Variants in TAOK3 observed in about 807,000 individuals in gnomAD.
TAOK3 encodes the protein TAO kinase 3, also known as serine/threonine-protein kinase TAO3.
In TAOK3, 40 loss-of-function variants were observed where a neutral mutation model predicts 120.4. The observed-to-expected ratio is 0.33, with a 90% confidence interval of 0.26 to 0.43. TAOK3 has a LOEUF of 0.43. Among genes scored for constraint, TAOK3 ranks in the 20% least tolerant of loss-of-function variants. TAOK3 has a pLI of 1.00. For synonymous variants in TAOK3, 355 were observed against 387.5 expected, an observed-to-expected ratio of 0.92 and a Z score of 0.99; for missense variants, 821 against 1,112.1, an observed-to-expected ratio of 0.74 and a Z score of 3.72.
At chr12:118,251,775 G>C (rs1293031967) in intron 3 of TAOK3, among the ~76,000 whole-genome samples, 1 of 151,188 alleles carries the variant, frequency 6.6e-6, no homozygotes, top group Non-Finnish European at 1.5e-5. Context: ...AGCATGCTTG[G>C]TTTATTGTAG....
chr12:118,169,963 C>T (rs956042884), intron 17 of TAOK3, among the ~76,000 whole-genome samples: 13 of 152,160 alleles, frequency 8.5e-5, no homozygotes, highest in Middle Eastern at 3.4e-3. Flanking sequence ...CCTCGTGATC[C>T]GCCCGCCTCG....
chr12:118,321,241 C>T (rs2043691496), intron 1 of TAOK3, among the ~76,000 whole-genome samples: 1 of 152,028 alleles, frequency 6.6e-6, no homozygotes, highest in African/African-American at 2.4e-5. Context: ...TGCAAATACA[C>T]ACACACACAC....
intron 4 of TAOK3, 68 bp from the exon 5 acceptor site, chr12:118,243,584 A>G (rs2040348281): frequency 3.5e-6 from 2 of 569,818 alleles, no homozygotes; most frequent in East Asian, 3.3e-5. Context: ...CCTATCAAGT[A>G]TACGTATATA....
At chr12:118,363,751 TGTGTGA>T (rs1349780456) in intron 1 of TAOK3, among the ~76,000 whole-genome samples, 31 of 148,288 alleles carry the variant, frequency 2.1e-4, no homozygotes, top group Admixed American at 2.0e-4. Flanking sequence ...TGTGTGTGTG[TGTGTGA>T]GAGAGAGAGA....
intron 2 of TAOK3, among the ~76,000 whole-genome samples, chr12:118,263,585 T>C (rs2041321711): frequency 6.6e-6 from 1 of 152,208 alleles, no homozygotes; most frequent in African/African-American, 2.4e-5. Context: ...TTGCAAATTA[T>C]GTCTCATAAT....
At chr12:118,194,634 T>TTA (rs1491583245) in intron 13 of TAOK3, among the ~76,000 whole-genome samples, 5 of 141,462 alleles carry the variant, frequency 3.5e-5, no homozygotes, top group African/African-American at 1.3e-4. Context: ...TTTTTTTTTT[T>TTA]ATCCCGCAAA....
chr12:118,161,833 G>T lies in TAOK3; in HGVS notation c.2094C>A (p.His698Gln). 1 of 1,614,186 alleles carries T rather than the reference G, an allele frequency of 6.2e-7. No individual in the cohort carries two copies. Among genetic ancestry groups the T allele is most frequent in the Non-Finnish European group, 8.5e-7 (1 of 1,180,034 alleles). Residue 698 changes from histidine to glutamine, a missense_variant, in exon 18 of 21, where the codon CAC (histidine) becomes CAA (glutamine). This residue lies in a region of TAOK3 where 354 missense variants were observed against 572.1 expected (regional missense o/e 0.62). Coordinates refer to ENST00000392533, the MANE Select transcript of TAOK3 (RefSeq NM_016281.4). This position sits in a 1 kb window ranked among gnomAD's most constrained non-coding sequence, Gnocchi z 4.5. ...GCCGAAGTTCCATGACATGCTTTCT[G>T]TGCAGTTCTCTTTCTCGCCTCTTAT... ...EYNKRREREL[H>Q]RKHVMELRQQ...
In TAOK3 at chr12:118,172,490, C is replaced by G; in HGVS notation, c.1866G>C (p.Lys622Asn). The change falls in exon 17 of 21, where the codon AAG (lysine) becomes AAC (asparagine). Residue 622 changes from lysine to asparagine, a missense_variant. This residue lies in a region of TAOK3 where 354 missense variants were observed against 572.1 expected (regional missense o/e 0.62). Transcript: ENST00000392533. Reference sequence around the variant, plus strand: ...TGTTCTGCTGCTCCACCTCGTGCCGCTTGATCATTATTTTCCGCTTGAAGA... The same window carrying G: ...TGTTCTGCTGCTCCACCTCGTGCCGGTTGATCATTATTTTCCGCTTGAAGA... ...CRFFKRKIMI[K>N]RHEVEQQNIR... 1 of 1,614,130 alleles carries G rather than the reference C, an allele frequency of 6.2e-7. No individual in the cohort carries two copies. Among genetic ancestry groups the G allele is most frequent in the East Asian group, 2.2e-5 (1 of 44,878 alleles).
At chr12:118,265,021 G>A (rs1326776313) in intron 2 of TAOK3, among the ~76,000 whole-genome samples, 1 of 152,052 alleles carries the variant, frequency 6.6e-6, no homozygotes, top group Admixed American at 6.6e-5. Flanking sequence ...GCAACAGAGC[G>A]AGACTCTGTC....
chr12:118,338,866 CTTTAAAGATGTG>C (rs1428066793), intron 1 of TAOK3, among the ~76,000 whole-genome samples: 1 of 145,522 alleles, frequency 6.9e-6, no homozygotes, highest in Non-Finnish European at 1.5e-5. Flanking sequence ...ACTGGGGAGG[CTTTAAAGATGTG>C]ATCTTTTAGT....
chr12:118,190,182 C>T (rs1443022460), intron 13 of TAOK3: 2 of 480,848 alleles, frequency 4.2e-6, no homozygotes, highest in Non-Finnish European at 7.4e-6. Flanking sequence ...TTTTTCTTTA[C>T]CTCCAGAATT....
At chr12:118,367,784 G>T (rs1431223965) in intron 1 of TAOK3, among the ~76,000 whole-genome samples, 1 of 150,892 alleles carries the variant, frequency 6.6e-6, no homozygotes, top group African/African-American at 2.4e-5. Flanking sequence ...TTTTTGGCGG[G>T]GGGTGGGGAG....
Position 118,255,455 on chromosome 12 carries a change from A to T in TAOK3, c.113T>A (p.Val38Asp). The change falls in exon 3 of 21, where the codon GTT becomes GAT. Residue 38 changes from valine (V) to aspartate (D), a missense_variant. Val to Asp is a radical substitution (Grantham distance 152). Coordinates refer to ENST00000392533, the MANE Select transcript of TAOK3 (RefSeq NM_016281.4). ...HEIGHGSFGA[V>D]YFATNAHTSE... ...ACTCTTTTAAGTACTTACAAAATAA[A>T]CTGCTCCAAAACTTCCATGTCCAAT... The T allele has an allele frequency of 6.2e-7, 1 of 1,614,064 alleles. No homozygotes were observed. The highest frequency in any genetic ancestry group is 8.5e-7 in the Non-Finnish European group (1 of 1,180,000).
At chr12:118,332,141 C>T (rs2044178402) in intron 1 of TAOK3, among the ~76,000 whole-genome samples, 1 of 152,202 alleles carries the variant, frequency 6.6e-6, no homozygotes, top group Non-Finnish European at 1.5e-5. Context: ...TTGTTTTTAA[C>T]ACCTATGATA....
At chr12:118,180,938 A>C (rs867659277) in intron 15 of TAOK3, among the ~76,000 whole-genome samples, 61 of 151,346 alleles carry the variant, frequency 4.0e-4, no homozygotes, top group African/African-American at 1.5e-3. Flanking sequence ...TCTGCCTTCC[A>C]GGTTCAAGCA....
chr12:118,296,622 T>A (rs2140621303), intron 1 of TAOK3, among the ~76,000 whole-genome samples: 1 of 152,358 alleles, frequency 6.6e-6, no homozygotes, highest in African/African-American at 2.4e-5. Flanking sequence ...TTTATTTTCC[T>A]GTAGCATGGG....
In TAOK3 at chr12:118,258,538, C is replaced by T. The variant is rs145715457; in HGVS notation, c.-88-2883G>A. 6.1e-3 allele frequency among the ~76,000 whole-genome samples: 928 copies of T among 152,016 alleles called. 14 individuals carry two copies. Among genetic ancestry groups the T allele is most frequent in the African/African-American group, 0.021 (891 of 41,474 alleles). The stretch of plus-strand genomic sequence containing the variant: ...ACCATTCTGGCCAACATGGTAAAAC[C>T]CCATCTCTACTAAAAAAATACAAAA... On this transcript the variant is annotated intron_variant, in intron 2 of 20. Coordinates refer to ENST00000392533, the MANE Select transcript of TAOK3 (RefSeq NM_016281.4).
At chr12:118,363,018 CAAAAAAAAAA>C (rs60475060) in intron 1 of TAOK3, among the ~76,000 whole-genome samples, 4 of 45,862 alleles carry the variant, frequency 8.7e-5, no homozygotes, top group Non-Finnish European at 1.5e-4. Context: ...GACTCCGTAT[CAAAAAAAAAA>C]AAAAAAAAAA....
Position 118,243,975 on chromosome 12 carries a change from G to A in TAOK3, c.193-459C>T, listed in dbSNP as rs117234156. Among the ~76,000 whole-genome samples the A allele has an allele frequency of 5.1e-3, 770 of 151,624 alleles. 2 individuals carry two copies. The highest frequency in any genetic ancestry group is 8.5e-3 in the Non-Finnish European group (580 of 67,910). The stretch of plus-strand genomic sequence containing the variant: ...ATCACAGGCGTGAGACACTGTGCCC[G>A]GCCTAAACATGCCATTTCTTTAGTT... On this transcript the variant is annotated intron_variant, in intron 4 of 20. Coordinates refer to ENST00000392533, the MANE Select transcript of TAOK3 (RefSeq NM_016281.4).
Sources: allele counts gnomAD v4.1 joint callset (sites outside exome capture counted in the v4.1 genomes callset), GRCh38; gene constraint gnomAD v4.1.1; regional missense constraint gnomAD v4.1.1; non-coding constraint Gnocchi (gnomAD v3.1); transcripts MANE v1.5; gene names NCBI Gene and HGNC (gene_info 2026-07-23, HGNC 2026-07-21).